Variants in RASSF8 observed in about 807,000 individuals in gnomAD.
RASSF8 encodes the protein Ras association domain family member 8, also known as ras association domain-containing protein 8.
RASSF8 carries 22 observed loss-of-function variants against 48.5 expected under a neutral mutation model. That is an observed-to-expected ratio of 0.45 (90% CI 0.32 to 0.65). The LOEUF is 0.65. RASSF8 is among the 30% of genes least tolerant of loss of function. RASSF8 has a pLI of 0.03. For synonymous variants in RASSF8, 127 were observed against 171.5 expected (o/e 0.74, Z 2.03); for missense variants, 418 against 489.2 (o/e 0.85, Z 1.37).
chr12:26,068,654 A>T, intron 5 of RASSF8, 43 bp from the exon 6 acceptor site: 1 of 1,442,160 alleles, frequency 6.9e-7, no homozygotes, highest in Non-Finnish European at 9.4e-7. Flanking sequence ...AAGTACTCCA[A>T]GTTGACGAGC....
intron 1 of RASSF8, among the ~76,000 whole-genome samples, chr12:25,965,129 A>T (rs1941327724): frequency 6.6e-6 from 1 of 151,784 alleles, no homozygotes; most frequent in Admixed American, 6.6e-5. Context: ...TTTTTATTAG[A>T]GACAGGATTT....
At chr12:26,041,182 G>A (rs922667072) in intron 2 of RASSF8, among the ~76,000 whole-genome samples, 1 of 152,032 alleles carries the variant, frequency 6.6e-6, no homozygotes, top group Non-Finnish European at 1.5e-5. Flanking sequence ...GTGAGCCACC[G>A]TGCCTGGCCA....
intron 2 of RASSF8, among the ~76,000 whole-genome samples, chr12:25,999,398 T>C (rs1426595180): frequency 3.3e-5 from 5 of 152,186 alleles, no homozygotes; most frequent in Admixed American, 3.3e-4. Context: ...AACAGTGAAT[T>C]TGACCTAAAA....
Position 26,059,023 on chromosome 12 carries a change from G to A in RASSF8, c.103+3577G>A, listed in dbSNP as rs76109216. 5.2e-4 allele frequency among the ~76,000 whole-genome samples: 79 copies of A among 152,274 alleles called. 1 individual carries two copies. The highest frequency in any genetic ancestry group is 1.8e-3 in the African/African-American group (76 of 41,554). On this transcript the variant is annotated intron_variant, in intron 3 of 5. Coordinates refer to ENST00000689635, the MANE Select transcript of RASSF8 (RefSeq NM_001394098.1). ...TTAAATGTTCTACTTTGTTTCCCCT[G>A]TAAAATATCTCAGAAATGCATTTTT...
chr12:26,045,820 G>A (rs192983867), intron 2 of RASSF8, among the ~76,000 whole-genome samples: 250 of 152,274 alleles, frequency 1.6e-3, no homozygotes, highest in Middle Eastern at 0.014. Context: ...AATAATTCAA[G>A]TAGTTTGATT....
intron 1 of RASSF8, among the ~76,000 whole-genome samples, chr12:25,980,205 G>A (rs1189910233): frequency 6.6e-6 from 1 of 152,098 alleles, no homozygotes; most frequent in African/African-American, 2.4e-5. Context: ...ACCCACAAAC[G>A]AGAACTTTCT....
At position 26,071,774 on chromosome 12, in the gene RASSF8, C is replaced by A. The variant is rs1253922464; in HGVS notation, c.*2956C>A. 13 of 982,414 alleles carry A rather than the reference C, an allele frequency of 1.3e-5. No individual in the cohort carries two copies. Among genetic ancestry groups the A allele is most frequent in the Non-Finnish European group, 1.6e-5 (13 of 827,778 alleles). 60.9% of individuals were successfully genotyped at this position (982,414 alleles called of 1,614,324 possible). A position where few individuals can be genotyped will look rare whatever the true frequency, so the allele number is the denominator to read the frequency against. ...AGTTCAAATTAGTCATAAACAAGAG[C>A]TACAGCAAGACTGATAGAGTAAAAA... is the stretch of plus-strand genomic sequence containing the variant. On this transcript the variant is annotated 3_prime_UTR_variant, in exon 6 of 6. Transcript: ENST00000689635.
intron 2 of RASSF8, among the ~76,000 whole-genome samples, chr12:26,001,540 C>CT (rs1420012696): frequency 1.3e-5 from 2 of 151,902 alleles, no homozygotes; most frequent in African/African-American, 4.8e-5. Context: ...ATTCTATAAG[C>CT]TTTTTTCTAT....
intron 2 of RASSF8, among the ~76,000 whole-genome samples, chr12:26,035,795 C>T (rs1028578356): frequency 7.1e-6 from 1 of 141,456 alleles, no homozygotes; most frequent in Admixed American, 7.3e-5. Flanking sequence ...ATATACATCA[C>T]TAGATATACA....
intron 2 of RASSF8, among the ~76,000 whole-genome samples, chr12:26,025,393 T>C (rs12369462): frequency 0.36 from 53,872 of 151,234 alleles, 10,707 homozygotes; most frequent in Non-Finnish European, 0.45. Context: ...CCGTCTCTAC[T>C]AAAAATACAA....
At chr12:26,040,206 G>C (rs1240926374) in intron 2 of RASSF8, among the ~76,000 whole-genome samples, 1 of 152,128 alleles carries the variant, frequency 6.6e-6, no homozygotes, top group African/African-American at 2.4e-5. Context: ...TTAGGAAATT[G>C]TTTATCTCCT....
At chr12:26,055,503 G>C in intron 3 of RASSF8, 57 bp downstream of exon 3, 1 of 1,394,358 alleles carries the variant, frequency 7.2e-7, no homozygotes, top group Non-Finnish European at 1.0e-6. Flanking sequence ...TTCGTTGTAT[G>C]TGTTTGTTTT....
At chr12:25,964,594 G>A (rs1941313846) in intron 1 of RASSF8, among the ~76,000 whole-genome samples, 1 of 151,950 alleles carries the variant, frequency 6.6e-6, no homozygotes, top group Non-Finnish European at 1.5e-5. Context: ...TTTTACTATT[G>A]GAAAATCGCT....
intron 2 of RASSF8, among the ~76,000 whole-genome samples, chr12:26,016,871 C>G (rs566598293): frequency 1.3e-5 from 2 of 152,212 alleles, no homozygotes; most frequent in South Asian, 2.1e-4. Context: ...GAAGTTCATT[C>G]ATTAGTTGAG....
chr12:26,027,791 GGA>G (rs1250721568), intron 2 of RASSF8, among the ~76,000 whole-genome samples: 1 of 152,164 alleles, frequency 6.6e-6, no homozygotes, highest in African/African-American at 2.4e-5. Flanking sequence ...GGTCACCTAG[GGA>G]GAGAGGGGAT....
intron 2 of RASSF8, among the ~76,000 whole-genome samples, chr12:26,035,432 TA>T (rs1356240968): frequency 1.4e-4 from 5 of 35,912 alleles, no homozygotes; most frequent in African/African-American, 4.6e-4. Context: ...TGAAATTATA[TA>T]ATTATATAAT....
intron 5 of RASSF8, among the ~76,000 whole-genome samples, chr12:26,078,796 A>G (rs1944092260): frequency 6.6e-6 from 1 of 152,206 alleles, no homozygotes; most frequent in Non-Finnish European, 1.5e-5. Flanking sequence ...ATACAGCTTT[A>G]TAACCTAAAG....
chr12:26,037,350 C>G (rs1943175572), intron 2 of RASSF8, among the ~76,000 whole-genome samples: 2 of 152,188 alleles, frequency 1.3e-5, no homozygotes, highest in South Asian at 4.1e-4. Flanking sequence ...ACCACCCTCA[C>G]TCCCTTTGGT....
At chr12:25,986,441 G>A (rs1181191678) in intron 1 of RASSF8, among the ~76,000 whole-genome samples, 7 of 152,318 alleles carry the variant, frequency 4.6e-5, no homozygotes, top group African/African-American at 1.7e-4. Flanking sequence ...ATGTACAGAG[G>A]AGAAGGGCAG....
Sources: gnomAD v4.1 joint callset for allele counts (sites outside exome capture counted in the v4.1 genomes callset) on GRCh38, gnomAD v4.1.1 for gene constraint, MANE v1.5 for transcripts, NCBI Gene and HGNC (gene_info 2026-07-23, HGNC 2026-07-21) for gene names.